Variants in DOP1B observed in about 807,000 individuals in gnomAD.
The protein encoded by DOP1B is protein DOP1B.
DOP1B carries 174 observed loss-of-function variants against 233.5 expected under a neutral mutation model. The observed-to-expected ratio is 0.75, with a 90% CI of 0.66 to 0.85. DOP1B has a LOEUF of 0.85. Among genes scored for constraint, DOP1B ranks in the 40% least tolerant of loss-of-function variants. The pLI is 0.00. For missense variants in DOP1B, 2,652 were observed against 2,846.6 expected (o/e 0.93, Z 1.56); for synonymous variants, 1,190 against 1,185.6 (o/e 1.00, Z -0.08).
intron 22 of DOP1B, among the ~76,000 whole-genome samples, chr21:36,251,568 C>T (rs141037872): frequency 0.02 from 2,974 of 152,186 alleles, 41 homozygotes; most frequent in South Asian, 0.055. Flanking sequence ...TATAGGTGCC[C>T]GCCACCACAC....
intron 32 of DOP1B, among the ~76,000 whole-genome samples, chr21:36,286,963 CAAAAAAA>C (rs879698526): frequency 9.2e-5 from 12 of 130,086 alleles, no homozygotes; most frequent in Non-Finnish European, 1.7e-4. Context: ...GACTCCATCT[CAAAAAAA>C]AAAAAAATTT....
At chr21:36,252,319 A>G (rs1316015095) in intron 22 of DOP1B, among the ~76,000 whole-genome samples, 1 of 151,656 alleles carries the variant, frequency 6.6e-6, no homozygotes, top group Admixed American at 6.6e-5. Context: ...TTAGCTGGGC[A>G]TGGTGGTATG....
chr21:36,166,893 C>T (rs879405426), intron 2 of DOP1B, among the ~76,000 whole-genome samples: 9 of 152,196 alleles, frequency 5.9e-5, no homozygotes, highest in Admixed American at 1.3e-4. Flanking sequence ...GGTATATTTA[C>T]GACCTGTAAA....
intron 17 of DOP1B, among the ~76,000 whole-genome samples, 172 bp downstream of exon 17, chr21:36,238,873 C>T (rs916791039): frequency 1.3e-5 from 2 of 152,272 alleles, no homozygotes; most frequent in African/African-American, 4.8e-5. Context: ...GAAGCCGAGG[C>T]GGGCAGATCA....
At chr21:36,198,970 C>T (rs376995741) in intron 2 of DOP1B, 100 bp from the exon 3 acceptor site, 4 of 1,287,622 alleles carry the variant, frequency 3.1e-6, no homozygotes, top group African/African-American at 1.5e-5. Context: ...TACAGCCACA[C>T]TGGGACATGG....
chr21:36,222,907 T>G (rs1183086399), intron 10 of DOP1B, among the ~76,000 whole-genome samples: 2 of 152,006 alleles, frequency 1.3e-5, no homozygotes, highest in African/African-American at 2.4e-5. Context: ...TGCTAATTTT[T>G]GTATTTTTGT....
At chr21:36,229,336 A>T (rs2066731475) in intron 13 of DOP1B, among the ~76,000 whole-genome samples, 1 of 152,088 alleles carries the variant, frequency 6.6e-6, no homozygotes. Context: ...AGTCTGTCTC[A>T]TGCCTCCCCC....
At chr21:36,237,906 G>T (rs143213201) in intron 16 of DOP1B, among the ~76,000 whole-genome samples, 4 of 152,146 alleles carry the variant, frequency 2.6e-5, no homozygotes, top group Non-Finnish European at 4.4e-5. Context: ...AGTGACTCAC[G>T]CCTGTAATTC....
At chr21:36,260,215 GGGGGAAGGGAA>G (rs1406049434) in intron 23 of DOP1B, among the ~76,000 whole-genome samples, 3 of 147,410 alleles carry the variant, frequency 2.0e-5, no homozygotes, top group African/African-American at 5.2e-5. Flanking sequence ...GGGAAGGGAA[GGGGGAAGGGAA>G]GGGGAAGGGA....
intron 26 of DOP1B, among the ~76,000 whole-genome samples, chr21:36,265,669 C>A (rs1182342594): frequency 3.9e-5 from 6 of 152,160 alleles, no homozygotes; most frequent in African/African-American, 1.4e-4. Flanking sequence ...CTTCTCTGCT[C>A]CTTTTGGTTG....
chr21:36,200,252 C>T (rs886732457), intron 3 of DOP1B, 79 bp from the exon 4 acceptor site: 5 of 1,489,898 alleles, frequency 3.4e-6, no homozygotes, highest in East Asian at 2.4e-5. Context: ...TGTGAAAACT[C>T]CCCTCGGCTG....
chr21:36,275,618 CAAA>C (rs111840768), intron 27 of DOP1B, among the ~76,000 whole-genome samples: 5 of 132,352 alleles, frequency 3.8e-5, no homozygotes, highest in Non-Finnish European at 3.3e-5. Context: ...GAACTTGTCT[CAAA>C]AAAAAAAAAA....
At chr21:36,190,580 TAGGGAC>T (rs1312184732) in intron 2 of DOP1B, among the ~76,000 whole-genome samples, 2 of 151,988 alleles carry the variant, frequency 1.3e-5, no homozygotes, top group Non-Finnish European at 2.9e-5. Flanking sequence ...GTATTTTTAG[TAGGGAC>T]AGGGTTTCGC....
chr21:36,261,710 C>T, intron 24 of DOP1B: 5 of 914,836 alleles, frequency 5.5e-6, no homozygotes, highest in South Asian at 5.1e-5. Flanking sequence ...GAGTTTGAGA[C>T]CAGCCTGGCC....
chr21:36,253,476 G>A (rs1459932321), intron 22 of DOP1B, among the ~76,000 whole-genome samples: 1 of 152,156 alleles, frequency 6.6e-6, no homozygotes, highest in Non-Finnish European at 1.5e-5. Flanking sequence ...CACTTTGGAA[G>A]ACCGAGGCGG....
Position 36,230,780 on chromosome 21 carries a change from G to C in DOP1B, c.1996G>C (p.Asp666His). 2 of 1,614,200 alleles carry C rather than the reference G, an allele frequency of 1.2e-6. No homozygotes were observed. The highest frequency in any genetic ancestry group is 1.7e-6 in the Non-Finnish European group (2 of 1,180,038). ...GGAGCCTGCAGGGAAGAGGGACAGG[G>C]ATGGGACGCAGAGCCTGGCAGCCAA... Reference protein sequence around the residue: ...SEEPAGKRDRDGTQSLAANDS... With the variant: ...SEEPAGKRDRHGTQSLAANDS... The change falls in exon 14 of 37, where the codon GAT (aspartate) becomes CAT (histidine). Residue 666 changes from aspartate to histidine, a missense_variant. By Grantham distance (81) the Asp-to-His change is moderately conservative. Coordinates refer to ENST00000691173, the MANE Select transcript of DOP1B (RefSeq NM_001320714.2).
In DOP1B at chr21:36,208,723, C is replaced by T; in HGVS notation, c.500C>T (p.Ala167Val). The T allele has an allele frequency of 6.2e-7, 1 of 1,613,168 alleles. No homozygotes were observed. Among genetic ancestry groups the T allele is most frequent in the Non-Finnish European group, 8.5e-7 (1 of 1,179,620 alleles). ...EGSEISDRTD[A>V]LLLRLSLVVG... Reference sequence around the variant, plus strand: ...TCCTCTCTCATCAACAGAACGGATGCTCTGCTCCTGAGACTGTCGCTGGTG... The same window carrying T: ...TCCTCTCTCATCAACAGAACGGATGTTCTGCTCCTGAGACTGTCGCTGGTG... Residue 167 changes from alanine (A) to valine (V), a missense_variant, in exon 5 of 37, where the codon GCT (alanine) becomes GTT (valine). Coordinates refer to ENST00000691173, the MANE Select transcript of DOP1B (RefSeq NM_001320714.2).
At chr21:36,162,543 A>G (rs1601369561) in intron 1 of DOP1B, among the ~76,000 whole-genome samples, 1 of 150,028 alleles carries the variant, frequency 6.7e-6, no homozygotes, top group East Asian at 1.9e-4. Flanking sequence ...CAAAGTCTTC[A>G]CTTTCTTTTT....
At chr21:36,228,810 A>G (rs2066724292) in intron 13 of DOP1B, among the ~76,000 whole-genome samples, 1 of 135,918 alleles carries the variant, frequency 7.4e-6, no homozygotes. Flanking sequence ...AAATAAAATA[A>G]AATAAAATAA....
Sources: allele counts gnomAD v4.1 joint callset (sites outside exome capture counted in the v4.1 genomes callset), GRCh38; gene constraint gnomAD v4.1.1; transcripts MANE v1.5; gene names NCBI Gene and HGNC (gene_info 2026-07-23, HGNC 2026-07-21).